The following ITGA6 variants were observed in gnomAD, a reference collection of about 807,000 sequenced individuals.
The protein encoded by ITGA6 is integrin subunit alpha 6.
A neutral mutation model predicts 133.6 loss-of-function variants in ITGA6; 63 were observed. That is an observed-to-expected ratio of 0.47 (90% CI 0.38 to 0.58). The LOEUF (loss-of-function observed/expected upper bound fraction) is 0.58, where lower values mean the gene tolerates loss of function less well. Among genes scored for constraint, ITGA6 ranks in the 20% least tolerant of loss-of-function variants. ITGA6 has a pLI of 0.00. For synonymous variants in ITGA6, 434 were observed against 482.0 expected (o/e 0.90, Z 1.30); for missense variants, 1,068 against 1,309.4 (o/e 0.82, Z 2.85).
intron 1 of ITGA6, among the ~76,000 whole-genome samples, chr2:172,445,761 G>A (rs1684744047): frequency 6.6e-6 from 1 of 152,010 alleles, no homozygotes; most frequent in Non-Finnish European, 1.5e-5. Context: ...GGTCTGAGGT[G>A]TTGGGACCCA....
In ITGA6 at chr2:172,489,645, C is replaced by T. The variant is rs1431421355; in HGVS notation, c.2666C>T (p.Ser889Phe). 2 of 1,613,552 alleles carry T rather than the reference C, an allele frequency of 1.2e-6. No individual in the cohort carries two copies. Among genetic ancestry groups the T allele is most frequent in the Middle Eastern group, 1.6e-4 (1 of 6,084 alleles). The change falls in exon 20 of 26, where the codon TCC becomes TTC. Residue 889 changes from serine to phenylalanine, a missense_variant. Coordinates refer to ENST00000684293, the MANE Select transcript of ITGA6 (RefSeq NM_000210.4). ...VTCEPQKEIN[S>F]LNLTESHNSR... ...TGTGAGCCACAAAAGGAGATAAACT[C>T]CCTGAACCTAACGGTATGTCGGTAG...
At chr2:172,441,078 T>C (rs1278397027) in intron 1 of ITGA6, among the ~76,000 whole-genome samples, 1 of 152,182 alleles carries the variant, frequency 6.6e-6, no homozygotes, top group Non-Finnish European at 1.5e-5. Context: ...TTTAGACCCA[T>C]GTTAATCTAT....
intron 11 of ITGA6, 67 bp from the exon 12 acceptor site, chr2:172,484,715 T>C: frequency 2.3e-6 from 3 of 1,321,532 alleles, no homozygotes; most frequent in Non-Finnish European, 3.3e-6. Context: ...TTAAAAGGAG[T>C]TCAACATGCT....
intron 1 of ITGA6, among the ~76,000 whole-genome samples, chr2:172,464,926 C>T (rs1685582309): frequency 7.0e-6 from 1 of 142,512 alleles, no homozygotes; most frequent in African/African-American, 2.6e-5. Flanking sequence ...GTCCATTCTA[C>T]CCTAATAAAA....
intron 1 of ITGA6, 186 bp downstream of exon 1, chr2:172,428,156 T>G: frequency 2.9e-6 from 1 of 342,966 alleles, no homozygotes; most frequent in East Asian, 6.0e-5. Flanking sequence ...GCGCGGCGCC[T>G]CCCTCCATTC....
intron 11 of ITGA6, among the ~76,000 whole-genome samples, chr2:172,482,402 A>G (rs1211999376): frequency 1.3e-5 from 2 of 152,184 alleles, no homozygotes; most frequent in Non-Finnish European, 2.9e-5. Flanking sequence ...TGACTGGGCT[A>G]TTTTAGCTCA....
rs754514125 is a variant in ITGA6, at chr2:172,491,428, T to C, written c.2893T>C (p.Tyr965His). The change falls in exon 23 of 26, where the codon TAT (tyrosine) becomes CAT (histidine). Residue 965 changes from tyrosine to histidine, a missense_variant. Around this residue, in one of 3 missense-constraint regions of ITGA6, gnomAD observed 609 missense variants for 707.2 expected, o/e 0.86. Coordinates refer to ENST00000684293, the MANE Select transcript of ITGA6 (RefSeq NM_000210.4). The surrounding 1 kb of genome is among the most constrained non-coding windows in gnomAD (Gnocchi z 4.4). ...TGCATTCACTGTCTCCAAACAGGAATATTCCAAACTGAACTACTTGGACAT... is the reference window on the plus strand; with the variant it reads ...TGCATTCACTGTCTCCAAACAGGAACATTCCAAACTGAACTACTTGGACAT... ...RLWNSTFLEE[Y>H]SKLNYLDILM... 3.1e-6 allele frequency: 5 copies of C among 1,612,320 alleles called. No homozygotes were observed. The highest frequency in any genetic ancestry group is 3.3e-4 in the Middle Eastern group (2 of 6,056).
chr2:172,496,591 C>T (rs1687136842), intron 23 of ITGA6, among the ~76,000 whole-genome samples: 1 of 152,138 alleles, frequency 6.6e-6, no homozygotes, highest in Non-Finnish European at 1.5e-5. Flanking sequence ...TCAATATGGA[C>T]ATAGAATATT....
intron 1 of ITGA6, among the ~76,000 whole-genome samples, chr2:172,456,356 G>C (rs533755807): frequency 8.5e-5 from 13 of 152,222 alleles, no homozygotes; most frequent in Non-Finnish European, 1.6e-4. Context: ...GCCAGATGCA[G>C]CTGCACTGTT....
chr2:172,482,108 A>C (rs1395241797), intron 11 of ITGA6, among the ~76,000 whole-genome samples: 2 of 152,350 alleles, frequency 1.3e-5, no homozygotes, highest in South Asian at 2.1e-4. Context: ...GACTTCCCCC[A>C]AATTAATCAC....
intron 1 of ITGA6, among the ~76,000 whole-genome samples, chr2:172,430,041 G>T (rs974651577): frequency 2.6e-5 from 4 of 152,238 alleles, no homozygotes; most frequent in Admixed American, 2.6e-4. Flanking sequence ...GAAAAACTCA[G>T]TGGGGGTCTT....
At chr2:172,441,558 T>TAAAAAAAAAAAAAAAA (rs1559116474) in intron 1 of ITGA6, among the ~76,000 whole-genome samples, 1 of 64,858 alleles carries the variant, frequency 1.5e-5, no homozygotes, top group African/African-American at 6.2e-5. Context: ...CGCTGTCTCT[T>TAAAAAAAAAAAAAAAA]TAAAAAAAAA....
At chr2:172,430,861 T>C (rs1684079753) in intron 1 of ITGA6, among the ~76,000 whole-genome samples, 1 of 152,122 alleles carries the variant, frequency 6.6e-6, no homozygotes, top group Non-Finnish European at 1.5e-5. Flanking sequence ...TTCTCTTAGG[T>C]AGTTAAGATT....
chr2:172,487,484 GA>G, intron 15 of ITGA6, 31 bp downstream of exon 15: 1 of 1,611,042 alleles, frequency 6.2e-7, no homozygotes, highest in Non-Finnish European at 8.5e-7. Context: ...GCTGAGAGGG[GA>G]AAAAAATCAA....
At chr2:172,447,722 C>T (rs1684823846) in intron 1 of ITGA6, among the ~76,000 whole-genome samples, 1 of 152,112 alleles carries the variant, frequency 6.6e-6, no homozygotes, top group South Asian at 2.1e-4. Context: ...AAAAATAGAT[C>T]CTAGGGATAG....
intron 1 of ITGA6, 87 bp downstream of exon 1, chr2:172,428,057 C>T (rs778990725): frequency 6.5e-4 from 926 of 1,419,558 alleles, no homozygotes; most frequent in Admixed American, 2.2e-3. Flanking sequence ...CCGCCGGCCC[C>T]GGGGAGTAGT....
intron 1 of ITGA6, 61 bp downstream of exon 1, chr2:172,428,031 A>T: frequency 6.4e-7 from 1 of 1,550,822 alleles, no homozygotes; most frequent in Admixed American, 1.8e-5. Flanking sequence ...AGTTGAGGCG[A>T]GGGCGCGCCC....
intron 1 of ITGA6, among the ~76,000 whole-genome samples, chr2:172,440,408 A>G (rs928825064): frequency 6.6e-6 from 1 of 152,208 alleles, no homozygotes; most frequent in African/African-American, 2.4e-5. Flanking sequence ...TAAAATATAC[A>G]TAACATAAAA....
intron 1 of ITGA6, among the ~76,000 whole-genome samples, chr2:172,448,626 A>G (rs916207038): frequency 5.3e-5 from 8 of 152,302 alleles, no homozygotes; most frequent in African/African-American, 1.9e-4. Context: ...ATTTCTTAGA[A>G]GGTTATTAGA....
Sources: allele counts gnomAD v4.1 joint callset (sites outside exome capture counted in the v4.1 genomes callset), GRCh38; gene constraint gnomAD v4.1.1; regional missense constraint gnomAD v4.1.1; non-coding constraint Gnocchi (gnomAD v3.1); transcripts MANE v1.5; gene names NCBI Gene and HGNC (gene_info 2026-07-23, HGNC 2026-07-21).